Variants in CNNM3 observed in about 807,000 individuals in gnomAD.
The protein encoded by CNNM3 is metal transporter CNNM3.
Under a neutral mutation model 57.1 loss-of-function variants are expected in CNNM3, and 47 were observed. That is an observed-to-expected ratio of 0.82 (90% CI 0.65 to 1.05). CNNM3 has a LOEUF of 1.05. Among genes scored for constraint, CNNM3 ranks in the 50% least tolerant of loss-of-function variants. The probability of loss-of-function intolerance (pLI) is 0.00; values close to 1 mark genes in which losing one functional copy is unlikely to be tolerated. For missense variants in CNNM3, 957 were observed against 973.7 expected, an observed-to-expected ratio of 0.98 and a Z score of 0.23; for synonymous variants, 507 against 478.2, an observed-to-expected ratio of 1.06 and a Z score of -0.79.
Position 96,835,312 on chromosome 2 carries a change from C to A in CNNM3, c.*2696C>A, listed in dbSNP as rs1204477880. On this transcript the variant is annotated 3_prime_UTR_variant, in exon 8 of 8. Coordinates refer to ENST00000305510, the MANE Select transcript of CNNM3 (RefSeq NM_017623.5). ...GGTATTCCGTGGTGTATGCATTGGCCCCCTGAAGGACACCTGGGATGTTTC... is the reference window on the plus strand; with the variant it reads ...GGTATTCCGTGGTGTATGCATTGGCACCCTGAAGGACACCTGGGATGTTTC... 2.0e-5 allele frequency among the ~76,000 whole-genome samples: 3 copies of A among 152,094 alleles called. No individual in the cohort carries two copies. The highest frequency in any genetic ancestry group is 2.0e-4 in the Admixed American group (3 of 15,256).
At chr2:96,826,322 C>G (rs924504731) in intron 2 of CNNM3, among the ~76,000 whole-genome samples, 2 of 152,128 alleles carry the variant, frequency 1.3e-5, no homozygotes, top group Non-Finnish European at 2.9e-5. Flanking sequence ...AAGTGTTCCT[C>G]CCACCTCAGC....
Position 96,817,473 on chromosome 2 carries a change from T to C in CNNM3, c.1196T>C (p.Leu399Pro), listed in dbSNP as rs1278354888. ...CACTTCGTCTTCAACGACACCAAGC[T>C]GGACGCTGTCCTGGAGGAATTCAAG... is the stretch of plus-strand genomic sequence containing the variant. ...PLHFVFNDTK[L>P]DAVLEEFKRG... The change falls in exon 1 of 8, where the codon CTG becomes CCG. Residue 399 changes from leucine to proline, a missense_variant. Leu to Pro is a moderately conservative substitution (Grantham distance 98). Around this residue, in one of 2 missense-constraint regions of CNNM3, gnomAD observed 491 missense variants for 570.6 expected, o/e 0.86. Transcript: ENST00000305510. 25 of 1,613,762 alleles carry C rather than the reference T, an allele frequency of 1.5e-5. No homozygotes were observed. The highest frequency in any genetic ancestry group is 2.1e-5 in the Non-Finnish European group (25 of 1,179,816).
intron 1 of CNNM3, among the ~76,000 whole-genome samples, chr2:96,820,464 A>G (rs1193064156): frequency 6.6e-6 from 1 of 152,174 alleles, no homozygotes; most frequent in Non-Finnish European, 1.5e-5. Context: ...AAGTCATGGG[A>G]GGGAGGCAGA....
rs577058751 is a variant in CNNM3, at chr2:96,827,623, G to T, written c.1520-108G>T. The T allele has an allele frequency of 9.3e-5, 109 of 1,174,308 alleles. No homozygotes were observed. In the East Asian group the frequency reaches 2.6e-3, roughly 28 times the overall value. 72.7% of individuals were successfully genotyped at this position (1,174,308 alleles called of 1,614,324 possible). On this transcript the variant is annotated intron_variant, in intron 3 of 7. Transcript: ENST00000305510. ...GGGGCAGCTGCTCACAGGCCACCCGGGAGATCCCTGGTGGGCACAATAACT... is the reference window on the plus strand; with the variant it reads ...GGGGCAGCTGCTCACAGGCCACCCGTGAGATCCCTGGTGGGCACAATAACT...
downstream of CNNM3, among the ~76,000 whole-genome samples, chr2:96,835,460 A>ACAAT (rs1171850147): frequency 3.3e-5 from 5 of 150,532 alleles, no homozygotes; most frequent in East Asian, 1.9e-4. Flanking sequence ...CGTTTTTTAA[A>ACAAT]CAATCAAACT....
In CNNM3 at chr2:96,825,163, T is replaced by C. The variant is rs377008432; in HGVS notation, c.1331T>C (p.Ile444Thr). 2 of 1,614,070 alleles carry C rather than the reference T, an allele frequency of 1.2e-6. No homozygotes were observed. Among genetic ancestry groups the C allele is most frequent in the African/African-American group, 2.7e-5 (2 of 75,032 alleles). The change falls in exon 2 of 8, where the codon ATC (isoleucine) becomes ACC (threonine). Residue 444 changes from isoleucine to threonine, a missense_variant. Physicochemically the swap from Ile to Thr is moderately conservative, Grantham distance 89 (BLOSUM62 -1). Transcript: ENST00000305510. The stretch of plus-strand genomic sequence containing the variant: ...ACCCTGGAGGACGTGATCGAGGAGA[T>C]CATCAGGTCCGAGATCCTGGACGAG... Reference protein sequence around the residue: ...LVTLEDVIEEIIRSEILDESE... With the variant: ...LVTLEDVIEETIRSEILDESE...
intron 2 of CNNM3, among the ~76,000 whole-genome samples, chr2:96,826,284 C>T (rs1189664248): frequency 6.6e-6 from 1 of 152,104 alleles, no homozygotes; most frequent in Non-Finnish European, 1.5e-5. Context: ...GCATTCATGG[C>T]TTACTGCAGC....
Position 96,829,123 on chromosome 2 carries a change from C to T in CNNM3, c.2048C>T (p.Thr683Ile), listed in dbSNP as rs776592449. 2.5e-6 allele frequency: 4 copies of T among 1,613,944 alleles called. No individual in the cohort carries two copies. Among genetic ancestry groups the T allele is most frequent in the Non-Finnish European group, 3.4e-6 (4 of 1,180,000 alleles). Residue 683 changes from threonine to isoleucine, a missense_variant, in exon 7 of 8, where the codon ACC becomes ATC. Around this residue, in one of 2 missense-constraint regions of CNNM3, gnomAD observed 491 missense variants for 570.6 expected, o/e 0.86. Coordinates refer to ENST00000305510, the MANE Select transcript of CNNM3 (RefSeq NM_017623.5). ...SQTRLLGEKT[T>I]TAAGSSHSRP... ...ACCAGGCTCCTTGGTGAGAAGACCA[C>T]CACAGCGGCAGGTGAGTGCCAAGTG...
intron 7 of CNNM3, chr2:96,831,980 G>T: frequency 1.0e-6 from 1 of 986,080 alleles, no homozygotes; most frequent in Non-Finnish European, 1.2e-6. Context: ...CTTCCCAGTA[G>T]ACCTTTCCCT....
intron 7 of CNNM3, among the ~76,000 whole-genome samples, chr2:96,831,426 G>C (rs2079600746): frequency 6.6e-6 from 1 of 152,142 alleles, no homozygotes; most frequent in Non-Finnish European, 1.5e-5. Flanking sequence ...TGCCTTTTTT[G>C]AGACTTGGAA....
chr2:96,823,812 T>C (rs561579484), intron 1 of CNNM3, among the ~76,000 whole-genome samples: 1 of 152,210 alleles, frequency 6.6e-6, no homozygotes, highest in African/African-American at 2.4e-5. Flanking sequence ...AATGAGTTGC[T>C]CCCATCCCCC....
chr2:96,818,993 G>A (rs1279142554), intron 1 of CNNM3, among the ~76,000 whole-genome samples: 1 of 152,226 alleles, frequency 6.6e-6, no homozygotes, highest in South Asian at 2.1e-4. Flanking sequence ...CGTGTGCCAG[G>A]AGCTGATGGG....
intron 6 of CNNM3, 78 bp downstream of exon 6, chr2:96,828,778 C>A: frequency 6.3e-7 from 1 of 1,581,082 alleles, no homozygotes; most frequent in South Asian, 1.1e-5. Flanking sequence ...TGGTCTGAGA[C>A]TGCCCGGAAC....
intron 6 of CNNM3, 62 bp downstream of exon 6, chr2:96,828,762 AC>A: frequency 6.2e-7 from 1 of 1,603,968 alleles, no homozygotes; most frequent in South Asian, 1.1e-5. Flanking sequence ...CGGGGGCTAG[AC>A]CAGCTGGTCT....
Position 96,825,136 on chromosome 2 carries a change from T to A in CNNM3, c.1304T>A (p.Val435Asp). ...CCCTTCTACGAGGTCCTGGGCCTGG[T>A]CACCCTGGAGGACGTGATCGAGGAG... Reference protein sequence around the residue: ...GDPFYEVLGLVTLEDVIEEII... With the variant: ...GDPFYEVLGLDTLEDVIEEII... Residue 435 changes from valine (V) to aspartate (D), a missense_variant, in exon 2 of 8, where the codon GTC (valine) becomes GAC (aspartate). This residue lies in a region of CNNM3 where 491 missense variants were observed against 570.6 expected (regional missense o/e 0.86). Transcript: ENST00000305510. 6.2e-7 allele frequency: 1 copy of A among 1,614,118 alleles called. No individual in the cohort carries two copies. Among genetic ancestry groups the A allele is most frequent in the Non-Finnish European group, 8.5e-7 (1 of 1,180,016 alleles).
chr2:96,817,755 C>CA (rs991956452), intron 1 of CNNM3, among the ~76,000 whole-genome samples: 4 of 151,916 alleles, frequency 2.6e-5, no homozygotes, highest in African/African-American at 9.7e-5. Flanking sequence ...GGATAGCCCC[C>CA]CCCCCCCATT....
At chr2:96,829,201 C>T in intron 7 of CNNM3, 67 bp downstream of exon 7, 1 of 1,542,516 alleles carries the variant, frequency 6.5e-7, no homozygotes, top group Non-Finnish European at 8.8e-7. Flanking sequence ...CACACACAGA[C>T]TTGCACTCTC....
In CNNM3 at chr2:96,822,337, C is replaced by G. The variant is rs192143090; in HGVS notation, c.1226-2721C>G. Among the ~76,000 whole-genome samples, 223 of 151,938 alleles carry G rather than the reference C, an allele frequency of 1.5e-3. 1 individual carries two copies. The highest frequency in any genetic ancestry group is 5.9e-3 in the Admixed American group (90 of 15,238). On this transcript the variant is annotated intron_variant, in intron 1 of 7. Coordinates refer to ENST00000305510, the MANE Select transcript of CNNM3 (RefSeq NM_017623.5). ...ATTATTATTATTTTTGAGACAGAGT[C>G]TTGCTCTGTCACCTGGGTTGGAGTG...
chr2:96,837,368 C>T (rs1245357684), downstream of CNNM3: 7 of 152,150 alleles, frequency 4.6e-5, no homozygotes, highest in Non-Finnish European at 8.8e-5. Context: ...GATTTCATCA[C>T]GTTTTATAAT....
Sources: gnomAD v4.1 joint callset for allele counts (sites outside exome capture counted in the v4.1 genomes callset) on GRCh38, gnomAD v4.1.1 for gene constraint, gnomAD v4.1.1 regional missense constraint, MANE v1.5 for transcripts, NCBI Gene and HGNC (gene_info 2026-07-23, HGNC 2026-07-21) for gene names.